The following ST18 variants were observed in gnomAD, a reference collection of about 807,000 sequenced individuals.
The protein encoded by ST18 is ST18 C2H2C-type zinc finger transcription factor.
In ST18, 50 loss-of-function variants were observed where a neutral mutation model predicts 110.0. The observed-to-expected ratio is 0.45, with a 90% CI of 0.36 to 0.58. ST18 has a LOEUF of 0.58. ST18 is among the 20% of genes least tolerant of loss of function. The pLI is 0.00. For synonymous variants in ST18, 461 were observed against 452.4 expected, an observed-to-expected ratio of 1.02 and a Z score of -0.24; for missense variants, 1,306 against 1,280.1, an observed-to-expected ratio of 1.02 and a Z score of -0.31.
chr8:52,198,011 A>ATTTG (rs147773827), intron 8 of ST18, among the ~76,000 whole-genome samples: 11 of 152,012 alleles, frequency 7.2e-5, no homozygotes, highest in African/African-American at 1.4e-4. Flanking sequence ...TGGCTGTTTT[A>ATTTG]TTTGTTTGTT....
In ST18 at chr8:52,172,099, T is replaced by A; in HGVS notation, c.762A>T (p.Thr254=). 1 of 1,614,266 alleles carries A rather than the reference T, an allele frequency of 6.2e-7. No homozygotes were observed. The highest frequency in any genetic ancestry group is 8.5e-7 in the Non-Finnish European group (1 of 1,180,048). ...IPCENRCDSE[T]ERKDPQNALA... ...GAGCATTCTGCGGGTCTTTCCTTTCTGTTTCAGAATCACACCTGTTCTCAC... is the reference window on the plus strand; with the variant it reads ...GAGCATTCTGCGGGTCTTTCCTTTCAGTTTCAGAATCACACCTGTTCTCAC... The change falls in exon 10 of 26, where the codon ACA becomes ACT. Residue 254 remains threonine (T), a synonymous_variant. Transcript: ENST00000689386.
chr8:52,182,013 C>A (rs1450607589), intron 8 of ST18, among the ~76,000 whole-genome samples: 1 of 151,918 alleles, frequency 6.6e-6, no homozygotes, highest in Admixed American at 6.6e-5. Context: ...GTTAAAGTAT[C>A]CTGAGTCAAA....
intron 2 of ST18, among the ~76,000 whole-genome samples, chr8:52,295,505 C>T (rs1341518471): frequency 1.3e-5 from 2 of 151,940 alleles, no homozygotes; most frequent in African/African-American, 2.4e-5. Context: ...TGTATACAGC[C>T]ACAGAATTAT....
chr8:52,325,897 A>C (rs1000963137), intron 2 of ST18, among the ~76,000 whole-genome samples: 5 of 152,214 alleles, frequency 3.3e-5, no homozygotes, highest in Non-Finnish European at 7.4e-5. Flanking sequence ...CATTTGTTGG[A>C]AGTCCCAACA....
rs2129879092 is a variant in ST18, at chr8:52,112,058, AT to A, written c.*1139del. 1 of 152,524 alleles carries A rather than the reference AT, an allele frequency of 6.6e-6. No individual in the cohort carries two copies. The highest frequency in any genetic ancestry group is 1.5e-5 in the Non-Finnish European group (1 of 67,986). 9.4% of individuals were successfully genotyped at this position (152,524 alleles called of 1,614,324 possible). The stretch of plus-strand genomic sequence containing the variant: ...TGTGGCAAGATTTCTATCAAATTGA[AT>A]GTTGTCTTGTTTCCTATGGTGGGTG... On this transcript the variant is annotated 3_prime_UTR_variant, in exon 26 of 26. Coordinates refer to ENST00000689386, the MANE Select transcript of ST18 (RefSeq NM_001352837.2).
intron 2 of ST18, among the ~76,000 whole-genome samples, chr8:52,393,154 C>T (rs949486784): frequency 1.3e-5 from 2 of 152,128 alleles, no homozygotes; most frequent in Non-Finnish European, 2.9e-5. Flanking sequence ...CCCTGAAACC[C>T]CACTTTCTGC....
chr8:52,113,221 C>A lies in ST18; in HGVS notation c.3121G>T (p.Ala1041Ser), dbSNP rs374156396. Residue 1041 changes from alanine (A) to serine (S), a missense_variant, in exon 26 of 26, where the codon GCA (alanine) becomes TCA (serine). Transcript: ENST00000689386. Reference sequence around the variant, plus strand: ...TCCTACACATGGATACCCTTCACTGCCTGTTTGATACTTTCCAGTAGAGCT... The same window carrying A: ...TCCTACACATGGATACCCTTCACTGACTGTTTGATACTTTCCAGTAGAGCT... ...CKALLESIKQ[A>S]VKGIHV 7.4e-6 allele frequency: 12 copies of A among 1,614,098 alleles called. No homozygotes were observed. The highest frequency in any genetic ancestry group is 1.0e-5 in the Non-Finnish European group (12 of 1,179,964).
chr8:52,200,242 G>T (rs900391271), intron 8 of ST18, among the ~76,000 whole-genome samples: 1 of 152,180 alleles, frequency 6.6e-6, no homozygotes, highest in South Asian at 2.1e-4. Flanking sequence ...GTGTCAAAAG[G>T]TGACAAATTT....
At chr8:52,230,526 C>G (rs958653342) in intron 2 of ST18, among the ~76,000 whole-genome samples, 4 of 152,146 alleles carry the variant, frequency 2.6e-5, no homozygotes, top group Non-Finnish European at 5.9e-5. Flanking sequence ...TTTCACTGCT[C>G]TCTACTAATG....
intron 2 of ST18, among the ~76,000 whole-genome samples, chr8:52,270,655 C>A (rs1165457683): frequency 1.3e-5 from 2 of 151,730 alleles, no homozygotes; most frequent in Non-Finnish European, 2.9e-5. Flanking sequence ...TGTTGTACAC[C>A]CTGAATATAC....
At chr8:52,348,315 G>A in intron 2 of ST18, among the ~76,000 whole-genome samples, 1 of 152,162 alleles carries the variant, frequency 6.6e-6, no homozygotes, top group East Asian at 1.9e-4. Flanking sequence ...TGGAACTAAG[G>A]AAGACCATGA....
chr8:52,267,483 TAAAAAAA>T lies in ST18; in HGVS notation c.-464-37413_-464-37407del, dbSNP rs57769643. 7.0e-5 allele frequency among the ~76,000 whole-genome samples: 8 copies of T among 115,034 alleles called. 1 individual carries two copies. In the East Asian group the frequency reaches 8.2e-4, roughly 12 times the overall value. The allele number at this position is 115,034 out of a possible 152,430, so 75.5% of individuals were successfully genotyped here. A position where few individuals can be genotyped will look rare whatever the true frequency, so the allele number is the denominator to read the frequency against. On this transcript the variant is annotated intron_variant, in intron 2 of 25. Transcript: ENST00000689386. Reference sequence around the variant, plus strand: ...CTCTCCTTCAAACTCAGAGATAAGCTAAAAAAAAAAAAAAAAAAAAACCCAAAACCCT... The same window carrying T: ...CTCTCCTTCAAACTCAGAGATAAGCTAAAAAAAAAAAAAACCCAAAACCCT...
chr8:52,339,943 A>G (rs1472762497), intron 2 of ST18, among the ~76,000 whole-genome samples: 2 of 152,208 alleles, frequency 1.3e-5, no homozygotes, highest in African/African-American at 4.8e-5. Context: ...ATAATGTTTT[A>G]CCACTGCTGT....
At chr8:52,229,566 C>T (rs2090688217) in intron 3 of ST18, 1 of 152,214 alleles carries the variant, frequency 6.6e-6, no homozygotes, top group Non-Finnish European at 1.5e-5. Context: ...TCTCATCTCC[C>T]TAACTCATTC....
intron 2 of ST18, among the ~76,000 whole-genome samples, chr8:52,323,522 C>T (rs780754154): frequency 6.6e-6 from 1 of 152,222 alleles, no homozygotes; most frequent in Non-Finnish European, 1.5e-5. Flanking sequence ...TGCTGGGCTA[C>T]AGCAGTCCTG....
At chr8:52,373,439 C>T (rs1830969984) in intron 2 of ST18, among the ~76,000 whole-genome samples, 1 of 152,142 alleles carries the variant, frequency 6.6e-6, no homozygotes, top group Non-Finnish European at 1.5e-5. Flanking sequence ...AGTGCATGTG[C>T]AGGCGATGCT....
rs375253883 is a variant in ST18, at chr8:52,238,410, C to A, written c.-464-8333G>T. On this transcript the variant is annotated intron_variant, in intron 2 of 25. Coordinates refer to ENST00000689386, the MANE Select transcript of ST18 (RefSeq NM_001352837.2). ...GGAATGAAGTATTAAATTAGTGCAACCTCTATAGAAAACAGTAAAGACATT... is the reference window on the plus strand; with the variant it reads ...GGAATGAAGTATTAAATTAGTGCAAACTCTATAGAAAACAGTAAAGACATT... Among the ~76,000 whole-genome samples the A allele has an allele frequency of 7.8e-4, 119 of 152,200 alleles. No individual in the cohort carries two copies. The Middle Eastern group carries it at 0.02, about 26-fold the overall frequency.
At chr8:52,214,855 A>G (rs951863374) in intron 6 of ST18, among the ~76,000 whole-genome samples, 3 of 152,220 alleles carry the variant, frequency 2.0e-5, no homozygotes, top group Non-Finnish European at 4.4e-5. Flanking sequence ...GTGAAATTTG[A>G]GTGATATATG....
chr8:52,283,394 T>C (rs1390294892), intron 2 of ST18, among the ~76,000 whole-genome samples: 1 of 152,076 alleles, frequency 6.6e-6, no homozygotes, highest in Admixed American at 6.5e-5. Context: ...GCTTATGAGA[T>C]AACTCAGGTG....
Sources: allele counts gnomAD v4.1 joint callset (sites outside exome capture counted in the v4.1 genomes callset), GRCh38; gene constraint gnomAD v4.1.1; transcripts MANE v1.5; gene names NCBI Gene and HGNC (gene_info 2026-07-23, HGNC 2026-07-21).